Variants in ERBB4 observed in about 807,000 individuals in gnomAD.
ERBB4 encodes receptor tyrosine-protein kinase erbB-4.
In ERBB4, 42 loss-of-function variants were observed where a neutral mutation model predicts 158.0. The observed-to-expected ratio is 0.27, with a 90% CI of 0.21 to 0.34. ERBB4 has a LOEUF of 0.34. Ranked by LOEUF, ERBB4 falls within the 10% of genes least tolerant of loss-of-function variation. The pLI is 1.00. For missense variants in ERBB4, 1,333 were observed against 1,624.1 expected (o/e 0.82, Z 3.08); for synonymous variants, 583 against 558.7 (o/e 1.04, Z -0.61).
intron 3 of ERBB4, among the ~76,000 whole-genome samples, chr2:211,852,330 A>G (rs1236242319): frequency 6.6e-6 from 1 of 151,992 alleles, no homozygotes; most frequent in Non-Finnish European, 1.5e-5. Context: ...ATAGAAAAAG[A>G]TGATTGATAG....
chr2:211,740,865 C>T (rs993847482), intron 5 of ERBB4, among the ~76,000 whole-genome samples: 3 of 152,138 alleles, frequency 2.0e-5, no homozygotes, highest in African/African-American at 7.2e-5. Context: ...CTGCCTCAGC[C>T]TCCCAAAGTG....
intron 27 of ERBB4, among the ~76,000 whole-genome samples, chr2:211,384,704 T>C (rs921294492): frequency 1.3e-5 from 2 of 152,182 alleles, no homozygotes; most frequent in African/African-American, 4.8e-5. Context: ...TGCTTGACAT[T>C]ACATATACTT....
chr2:211,550,746 G>T (rs1293258857), intron 20 of ERBB4, among the ~76,000 whole-genome samples: 1 of 142,008 alleles, frequency 7.0e-6, no homozygotes, highest in African/African-American at 2.6e-5. Context: ...ACACACACAT[G>T]CATTTCATTG....
chr2:211,760,179 T>C (rs1165296825), intron 4 of ERBB4, among the ~76,000 whole-genome samples: 1 of 152,204 alleles, frequency 6.6e-6, no homozygotes, highest in Non-Finnish European at 1.5e-5. Context: ...CATTGTGTCC[T>C]TGTGTAAAAC....
intron 1 of ERBB4, among the ~76,000 whole-genome samples, chr2:212,187,330 G>C (rs2082043261): frequency 6.6e-6 from 1 of 151,896 alleles, no homozygotes; most frequent in African/African-American, 2.4e-5. Context: ...GCTAGAGGAT[G>C]AGTTAGTGGG....
At chr2:211,848,027 G>A (rs764063211) in intron 3 of ERBB4, among the ~76,000 whole-genome samples, 3 of 152,210 alleles carry the variant, frequency 2.0e-5, no homozygotes, top group East Asian at 1.9e-4. Context: ...AACCCAGGCC[G>A]TCTGGCTTAA....
At chr2:211,861,124 TTATATATATATA>T (rs143515103) in intron 3 of ERBB4, among the ~76,000 whole-genome samples, 2 of 20,254 alleles carry the variant, frequency 9.9e-5, no homozygotes, top group Non-Finnish European at 1.6e-4. Context: ...TATATATATT[TTATATATATATA>T]TATATATATA....
intron 25 of ERBB4, among the ~76,000 whole-genome samples, chr2:211,395,875 A>C (rs2062905160): frequency 6.6e-6 from 1 of 152,044 alleles, no homozygotes; most frequent in African/African-American, 2.4e-5. Context: ...TTACCTTCAT[A>C]ATATTTATAT....
intron 2 of ERBB4, among the ~76,000 whole-genome samples, chr2:212,005,052 A>G (rs2076227600): frequency 6.6e-6 from 1 of 152,180 alleles, no homozygotes; most frequent in Non-Finnish European, 1.5e-5. Context: ...ATTAACTTTA[A>G]AAGGTATACA....
intron 14 of ERBB4, 100 bp downstream of exon 14, chr2:211,673,064 G>T (rs2071903475): frequency 1.1e-6 from 1 of 936,016 alleles, no homozygotes; most frequent in South Asian, 1.3e-5. Flanking sequence ...ATGGCATCCT[G>T]TAAGTAGCTA....
At chr2:211,535,178 G>T (rs1422820846) in intron 20 of ERBB4, among the ~76,000 whole-genome samples, 1 of 151,920 alleles carries the variant, frequency 6.6e-6, no homozygotes, top group Non-Finnish European at 1.5e-5. Flanking sequence ...ACCTTTTGTG[G>T]CTTAATAAAA....
chr2:212,526,412 T>A (rs187900615), intron 1 of ERBB4, among the ~76,000 whole-genome samples: 1 of 152,168 alleles, frequency 6.6e-6, no homozygotes, highest in Non-Finnish European at 1.5e-5. Context: ...TTTTTATACT[T>A]TCAATTTTTA....
At chr2:211,725,871 A>C (rs890000602) in intron 5 of ERBB4, among the ~76,000 whole-genome samples, 1 of 152,040 alleles carries the variant, frequency 6.6e-6, no homozygotes, top group Non-Finnish European at 1.5e-5. Flanking sequence ...GGAAAGAAAA[A>C]AGGAAGGAAA....
At chr2:211,471,851 A>G (rs1483240548) in intron 20 of ERBB4, among the ~76,000 whole-genome samples, 2 of 152,142 alleles carry the variant, frequency 1.3e-5, no homozygotes, top group African/African-American at 2.4e-5. Context: ...AGACTGAAGT[A>G]ACAAAAGATA....
At chr2:211,562,313 T>G (rs980966473) in intron 19 of ERBB4, among the ~76,000 whole-genome samples, 2 of 152,342 alleles carry the variant, frequency 1.3e-5, no homozygotes, top group Non-Finnish European at 2.9e-5. Flanking sequence ...ATGGAAGCTG[T>G]TATACAATAA....
rs577459011 is a variant in ERBB4 at position 212,326,484 on chromosome 2, A to G, written c.83-201581T>C. On this transcript the variant is annotated intron_variant, in intron 1 of 27. Transcript: ENST00000342788. ...TTACAAAGATACTTTCAATGATTAG[A>G]TTCCTTAGCTTAAAAAAAAATTCAT... Among the ~76,000 whole-genome samples the G allele has an allele frequency of 6.6e-5, 10 of 150,960 alleles. No homozygotes were observed. In the South Asian group the frequency reaches 1.3e-3, roughly 19 times the overall value.
chr2:211,884,958 T>A (rs148614385), intron 3 of ERBB4, among the ~76,000 whole-genome samples: 1 of 152,308 alleles, frequency 6.6e-6, no homozygotes, highest in African/African-American at 2.4e-5. Flanking sequence ...TAGATATTTA[T>A]GTCTGGAAAC....
At chr2:212,025,112 A>G (rs2076743493) in intron 2 of ERBB4, among the ~76,000 whole-genome samples, 2 of 151,856 alleles carry the variant, frequency 1.3e-5, no homozygotes, top group Non-Finnish European at 1.5e-5. Flanking sequence ...GAGAAAGGAG[A>G]GGTCATATAG....
At chr2:211,784,654 T>G (rs1287064990) in intron 4 of ERBB4, among the ~76,000 whole-genome samples, 1 of 152,212 alleles carries the variant, frequency 6.6e-6, no homozygotes, top group African/African-American at 2.4e-5. Context: ...ATAATTCTAT[T>G]TTTAATTTTT....
Sources: allele counts gnomAD v4.1 joint callset (sites outside exome capture counted in the v4.1 genomes callset), GRCh38; gene constraint gnomAD v4.1.1; transcripts MANE v1.5; gene names NCBI Gene and HGNC (gene_info 2026-07-23, HGNC 2026-07-21).